FBXO25: variants seen among roughly 807,000 people sequenced by gnomAD.
FBXO25 encodes the protein F-box only protein 25.
In FBXO25, 45 loss-of-function variants were observed where a neutral mutation model predicts 51.9. The observed-to-expected ratio is 0.87, with a 90% CI of 0.68 to 1.11. The LOEUF (loss-of-function observed/expected upper bound fraction) is 1.11. Among genes scored for constraint, FBXO25 ranks in the 50% most tolerant of loss-of-function variants. FBXO25 has a pLI of 0.00. For missense variants in FBXO25, 507 were observed against 428.5 expected (o/e 1.18, Z -1.62); for synonymous variants, 199 against 151.0 (o/e 1.32, Z -2.33).
chr8:426,871 T>C (rs1425626011), intron 2 of FBXO25, among the ~76,000 whole-genome samples: 1 of 149,614 alleles, frequency 6.7e-6, no homozygotes, highest in Admixed American at 6.7e-5. Context: ...GAAGGGTGTG[T>C]TAAGAGTCCG....
Position 407,880 on chromosome 8 carries a change from A to G in FBXO25, c.-8+814A>G, listed in dbSNP as rs562206995. 3.9e-5 allele frequency among the ~76,000 whole-genome samples: 6 copies of G among 152,142 alleles called. No homozygotes were observed. The South Asian group carries it at 8.3e-4, about 21-fold the overall frequency. On this transcript the variant is annotated intron_variant, in intron 1 of 9. Transcript: ENST00000350302. ...TAAGCTCAATTTGACCTTTTTCTCA[A>G]TTAGATTCCACCTCTGTCCTTGGGC...
At chr8:449,303 C>G (rs925771416) in intron 5 of FBXO25, among the ~76,000 whole-genome samples, 3 of 152,210 alleles carry the variant, frequency 2.0e-5, no homozygotes, top group African/African-American at 7.2e-5. Flanking sequence ...ACTGGAAAAG[C>G]AGGGCATCCC....
At chr8:432,438 G>T (rs1478635629) in intron 3 of FBXO25, among the ~76,000 whole-genome samples, 1 of 152,200 alleles carries the variant, frequency 6.6e-6, no homozygotes, top group East Asian at 1.9e-4. Flanking sequence ...TGTGAATACG[G>T]GGGGACTACT....
intron 2 of FBXO25, among the ~76,000 whole-genome samples, chr8:424,218 G>C (rs1797334428): frequency 6.6e-6 from 1 of 151,654 alleles, no homozygotes; most frequent in Non-Finnish European, 1.5e-5. Flanking sequence ...TTTTAATGGG[G>C]TTGTTTGTTT....
chr8:426,405 T>A (rs1797482037), intron 2 of FBXO25, among the ~76,000 whole-genome samples: 1 of 152,128 alleles, frequency 6.6e-6, no homozygotes, highest in African/African-American at 2.4e-5. Context: ...ACAAAGCCAC[T>A]CACGAGTCCA....
rs1274869350 is a variant in FBXO25 at position 471,918 on chromosome 8, T to C, written c.*3114T>C. The C allele has an allele frequency of 1.3e-5, 2 of 152,242 alleles. No homozygotes were observed. The highest frequency in any genetic ancestry group is 2.9e-5 in the Non-Finnish European group (2 of 68,052). The allele number at this position is 152,242 out of a possible 1,614,324, so 9.4% of individuals were successfully genotyped here. Reference sequence around the variant, plus strand: ...ACCATCTGTGAACAGTTTTTTGCCTTAAGTGCTGCTTTTAGAACCAAACTG... The same window carrying C: ...ACCATCTGTGAACAGTTTTTTGCCTCAAGTGCTGCTTTTAGAACCAAACTG... On this transcript the variant is annotated 3_prime_UTR_variant, in exon 10 of 10. Transcript: ENST00000350302.
At chr8:467,988 C>G in intron 9 of FBXO25, 1 of 1,363,026 alleles carries the variant, frequency 7.3e-7, no homozygotes, top group Non-Finnish European at 9.5e-7. Flanking sequence ...GCTAGATGTG[C>G]GCATAAACAC....
At chr8:435,000 C>G (rs898954096) in intron 4 of FBXO25, among the ~76,000 whole-genome samples, 1 of 152,170 alleles carries the variant, frequency 6.6e-6, no homozygotes, top group African/African-American at 2.4e-5. Context: ...CCAGCACTTG[C>G]CTTCAGCCCT....
chr8:457,114 A>G (rs1046760127), intron 7 of FBXO25, among the ~76,000 whole-genome samples: 4 of 152,196 alleles, frequency 2.6e-5, no homozygotes, highest in Non-Finnish European at 5.9e-5. Context: ...TTGGGAACAA[A>G]AGGAAAACAC....
Position 449,981 on chromosome 8 carries a change from T to G in FBXO25, c.382-9T>G. On this transcript the variant is annotated splice_polypyrimidine_tract_variant and intron_variant, in intron 5 of 9. Transcript: ENST00000350302. ...ATATCGCTCAGCTTTTTTCCGTCTT[T>G]CCTTTAAGCTGTTGCAGCTAATTGC... The G allele has an allele frequency of 6.3e-7, 1 of 1,598,498 alleles. No individual in the cohort carries two copies. The highest frequency in any genetic ancestry group is 8.5e-7 in the Non-Finnish European group (1 of 1,169,800).
chr8:451,597 T>C (rs1180344288), intron 7 of FBXO25, 144 bp downstream of exon 7: 11 of 853,860 alleles, frequency 1.3e-5, no homozygotes, highest in Non-Finnish European at 1.9e-5. Context: ...TGTTTTAAAA[T>C]AGAAAAGGAC....
chr8:408,000 C>T (rs1366141834), intron 1 of FBXO25, among the ~76,000 whole-genome samples: 1 of 152,208 alleles, frequency 6.6e-6, no homozygotes, highest in African/African-American at 2.4e-5. Flanking sequence ...TACCATCCGG[C>T]CCTAATCAGA....
intron 5 of FBXO25, among the ~76,000 whole-genome samples, chr8:438,125 G>A (rs1422335860): frequency 5.3e-5 from 8 of 151,096 alleles, no homozygotes; most frequent in Non-Finnish European, 1.2e-4. Context: ...CACGATCTCT[G>A]CTCACTGCAA....
chr8:465,142 G>A (rs1021868375), intron 9 of FBXO25, among the ~76,000 whole-genome samples: 2 of 152,170 alleles, frequency 1.3e-5, no homozygotes, highest in African/African-American at 4.8e-5. Context: ...GGCCGATTGA[G>A]TGAAGTCCAG....
intron 5 of FBXO25, among the ~76,000 whole-genome samples, chr8:438,837 G>T (rs1435137350): frequency 6.6e-6 from 1 of 152,186 alleles, no homozygotes; most frequent in Non-Finnish European, 1.5e-5. Flanking sequence ...TGGGACCTTG[G>T]CCTCACCGCC....
At chr8:431,301 C>T (rs755745724) in intron 2 of FBXO25, 40 bp from the exon 3 acceptor site, 28 of 1,100,642 alleles carry the variant, frequency 2.5e-5, no homozygotes, top group Non-Finnish European at 3.4e-5. Context: ...ATGAAGATCT[C>T]CCTGAAAAAA....
chr8:413,140 G>T lies in FBXO25; in HGVS notation c.61G>T (p.Gly21Cys). Residue 21 changes from glycine to cysteine, a missense_variant, in exon 2 of 10, where the codon GGC becomes TGC. Coordinates refer to ENST00000350302, the MANE Select transcript of FBXO25 (RefSeq NM_183420.2). ...PGWSWIKTED[G>C]WKRCESCSQK... ...ATGGAGTTGGATTAAGACAGAAGAT[G>T]GCTGGAAGAGATGTGAATCTTGTAG... is the stretch of plus-strand genomic sequence containing the variant. 2 of 1,610,884 alleles carry T rather than the reference G, an allele frequency of 1.2e-6. No homozygotes were observed.
chr8:464,708 G>A (rs141449513), intron 9 of FBXO25, among the ~76,000 whole-genome samples: 1 of 152,246 alleles, frequency 6.6e-6, no homozygotes, highest in East Asian at 1.9e-4. Context: ...AAATTAATCC[G>A]TGGTTGAGCA....
At position 469,505 on chromosome 8, in the gene FBXO25, C is replaced by T. The variant is rs1585118414; in HGVS notation, c.*701C>T. The T allele has an allele frequency of 6.6e-6, 1 of 152,226 alleles. No individual in the cohort carries two copies. Among genetic ancestry groups the T allele is most frequent in the Non-Finnish European group, 1.5e-5 (1 of 68,044 alleles). The allele number at this position is 152,226 out of a possible 1,614,324, so 9.4% of individuals were successfully genotyped here. A position where few individuals can be genotyped will look rare whatever the true frequency, so the allele number is the denominator to read the frequency against. ...GGACTGTGATGGGAACAGCCCAGTG[C>T]AGTCTAAACTTCAATTGTGTTGAAA... On this transcript the variant is annotated 3_prime_UTR_variant, in exon 10 of 10. Transcript: ENST00000350302.
Sources: gnomAD v4.1 joint callset for allele counts (sites outside exome capture counted in the v4.1 genomes callset) on GRCh38, gnomAD v4.1.1 for gene constraint, MANE v1.5 for transcripts, NCBI Gene and HGNC (gene_info 2026-07-23, HGNC 2026-07-21) for gene names.